EIF3E: variants seen among roughly 807,000 people sequenced by gnomAD.
EIF3E encodes the protein eIF-3 p48.
A neutral mutation model predicts 59.3 loss-of-function variants in EIF3E; 25 were observed. The observed-to-expected ratio is 0.42, with a 90% CI of 0.31 to 0.59. The LOEUF (loss-of-function observed/expected upper bound fraction) is 0.59. EIF3E is among the 20% of genes least tolerant of loss of function. The pLI is 0.15. For synonymous variants in EIF3E, 176 were observed against 170.2 expected, an observed-to-expected ratio of 1.03 and a Z score of -0.26; for missense variants, 317 against 534.3, an observed-to-expected ratio of 0.59 and a Z score of 4.01.
chr8:108,218,782 C>CTTTTTTTTTTTTTTTTTTTTTTTTTT (rs35642365), intron 7 of EIF3E, among the ~76,000 whole-genome samples: 1 of 111,162 alleles, frequency 9.0e-6, no homozygotes, highest in Non-Finnish European at 1.8e-5. Context: ...TATTTTATTT[C>CTTTTTTTTTTTTTTTTTTTTTTTTTT]TTTTTTTTTT....
intron 7 of EIF3E, among the ~76,000 whole-genome samples, chr8:108,220,542 A>G (rs1041761817): frequency 7.2e-5 from 11 of 152,218 alleles, no homozygotes; most frequent in African/African-American, 2.7e-4. Flanking sequence ...CACTGAAATG[A>G]CTTTACTGCA....
intron 5 of EIF3E, 145 bp downstream of exon 5, chr8:108,234,853 T>C (rs1554600423): frequency 1.6e-4 from 67 of 430,092 alleles, no homozygotes; most frequent in Non-Finnish European, 4.0e-6. Flanking sequence ...AGTGGGAGGG[T>C]TTTCTTTACT....
intron 10 of EIF3E, among the ~76,000 whole-genome samples, chr8:108,212,876 GA>G (rs35352376): frequency 0.36 from 54,522 of 150,238 alleles, 11,071 homozygotes; most frequent in East Asian, 0.5. Context: ...GTAAAACATT[GA>G]AAAAAAAATT....
chr8:108,218,782 C>CT (rs35642365), intron 7 of EIF3E, among the ~76,000 whole-genome samples: 56,241 of 111,110 alleles, frequency 0.51, 13,580 homozygotes, highest in Non-Finnish European at 0.56. Context: ...TATTTTATTT[C>CT]TTTTTTTTTT....
At chr8:108,202,401 C>G (rs1196901408) in intron 12 of EIF3E, among the ~76,000 whole-genome samples, 1 of 151,998 alleles carries the variant, frequency 6.6e-6, no homozygotes, top group Non-Finnish European at 1.5e-5. Flanking sequence ...ACTTCCTACC[C>G]TCCAGTTACA....
In EIF3E at chr8:108,204,746, T is replaced by TATAGAG. The variant is rs1354950271; in HGVS notation, c.1062-1244_1062-1243insCTCTAT. Among the ~76,000 whole-genome samples, 8 of 113,682 alleles carry TATAGAG rather than the reference T, an allele frequency of 7.0e-5. No individual in the cohort carries two copies. In the South Asian group the frequency reaches 9.8e-4, roughly 14 times the overall value. 74.6% of individuals were successfully genotyped at this position (113,682 alleles called of 152,430 possible). A position where few individuals can be genotyped will look rare whatever the true frequency, so the allele number is the denominator to read the frequency against. ...TAGTATGTATGTATATATATATATA[T>TATAGAG]AGAGAGAGAGAGAGAGAGAGAGAGA... On this transcript the variant is annotated intron_variant, in intron 10 of 12. Coordinates refer to ENST00000220849, the MANE Select transcript of EIF3E (RefSeq NM_001568.3).
At chr8:108,234,950 C>G in intron 5 of EIF3E, 48 bp downstream of exon 5, 3 of 1,192,586 alleles carry the variant, frequency 2.5e-6, no homozygotes, top group Non-Finnish European at 3.4e-6. Flanking sequence ...CAAGGGAATC[C>G]TACAAAAGAC....
At chr8:108,227,144 G>T (rs904803035) in intron 7 of EIF3E, 4 of 152,062 alleles carry the variant, frequency 2.6e-5, no homozygotes, top group African/African-American at 9.7e-5. Flanking sequence ...GCACAACACG[G>T]TGAAACCCTG....
intron 7 of EIF3E, 90 bp from the exon 8 acceptor site, chr8:108,217,550 T>C: frequency 2.7e-6 from 3 of 1,104,124 alleles, no homozygotes; most frequent in Non-Finnish European, 2.5e-6. Context: ...ACTATTTCAC[T>C]AGCCTAAGAC....
chr8:108,204,742 T>TAGAGAGAG (rs1440441943), intron 10 of EIF3E, among the ~76,000 whole-genome samples: 1 of 103,814 alleles, frequency 9.6e-6, no homozygotes, highest in African/African-American at 4.2e-5. Context: ...TATATATATA[T>TAGAGAGAG]ATATAGAGAG....
rs58104020 is a variant in EIF3E at position 108,206,592 on chromosome 8, G to GCA, written c.1062-3091_1062-3090dup. ...ACACAGCAAGATTCTGTGCACATGT[G>GCA]CACACACACACACACACACACACAC... On this transcript the variant is annotated intron_variant, in intron 10 of 12. Coordinates refer to ENST00000220849, the MANE Select transcript of EIF3E (RefSeq NM_001568.3). Among the ~76,000 whole-genome samples the GCA allele has an allele frequency of 7.2e-3, 1,073 of 149,652 alleles. 7 individuals are homozygous for GCA. Among genetic ancestry groups the GCA allele is most frequent in the African/African-American group, 0.015 (623 of 40,956 alleles).
At chr8:108,248,577 C>CCCCCACGCCTTCCTTGCG in intron 1 of EIF3E, 36 bp downstream of exon 1, 7 of 1,606,316 alleles carry the variant, frequency 4.4e-6, no homozygotes, top group Admixed American at 3.3e-5. Context: ...ACCTCATCCG[C>CCCCCACGCCTTCCTTGCG]CCCCACGCCT....
At chr8:108,226,232 T>C (rs934729416) in intron 7 of EIF3E, 1 of 150,138 alleles carries the variant, frequency 6.7e-6, no homozygotes, top group Non-Finnish European at 1.5e-5. Flanking sequence ...TCACTCTTGT[T>C]GCCTAGGCTG....
chr8:108,204,849 A>C (rs949970687), intron 10 of EIF3E, among the ~76,000 whole-genome samples: 18 of 151,212 alleles, frequency 1.2e-4, no homozygotes, highest in South Asian at 4.2e-4. Flanking sequence ...CAGACCATGA[A>C]GATCTTGATC....
chr8:108,212,520 G>A (rs1288904991), intron 10 of EIF3E, among the ~76,000 whole-genome samples: 2 of 152,160 alleles, frequency 1.3e-5, no homozygotes, highest in East Asian at 1.9e-4. Flanking sequence ...TTGAAAAAAC[G>A]CTGGGCGCAA....
At chr8:108,234,876 G>A in intron 5 of EIF3E, 122 bp downstream of exon 5, 1 of 484,386 alleles carries the variant, frequency 2.1e-6, no homozygotes. Context: ...TTTCTCTTTT[G>A]CCAATGACTG....
chr8:108,213,604 G>C (rs1815250473), intron 10 of EIF3E, among the ~76,000 whole-genome samples: 1 of 152,036 alleles, frequency 6.6e-6, no homozygotes, highest in South Asian at 2.1e-4. Flanking sequence ...TAAAAACAAA[G>C]AACAATGCAA....
At chr8:108,224,725 G>A (rs961510995) in intron 7 of EIF3E, among the ~76,000 whole-genome samples, 6 of 151,384 alleles carry the variant, frequency 4.0e-5, no homozygotes, top group Non-Finnish European at 7.4e-5. Flanking sequence ...TCTTACTGGG[G>A]CAATAAAAAT....
rs147961019 is a variant in EIF3E at position 108,248,222 on chromosome 8, A to G, written c.90+391T>C. ...ACCCACAGCCAAGCCCAGGCTTCCC[A>G]CAGTTCCCAAAAGAAAAATCAAAAG... On this transcript the variant is annotated intron_variant, in intron 1 of 12. Coordinates refer to ENST00000220849, the MANE Select transcript of EIF3E (RefSeq NM_001568.3). Among the ~76,000 whole-genome samples, 9 of 152,320 alleles carry G rather than the reference A, an allele frequency of 5.9e-5. No individual in the cohort carries two copies. The East Asian group carries it at 1.5e-3, about 26-fold the overall frequency.
Sources: gnomAD v4.1 joint callset for allele counts (sites outside exome capture counted in the v4.1 genomes callset) on GRCh38, gnomAD v4.1.1 for gene constraint, MANE v1.5 for transcripts, NCBI Gene and HGNC (gene_info 2026-07-23, HGNC 2026-07-21) for gene names.